Variants in GRIP1 observed in about 807,000 individuals in gnomAD.
GRIP1 encodes glutamate receptor interacting protein 1, also known as glutamate receptor-interacting protein 1.
GRIP1 carries 45 observed loss-of-function variants against 129.9 expected under a neutral mutation model. That is an observed-to-expected ratio of 0.35 (90% CI 0.27 to 0.44). The LOEUF is 0.44. Ranked by LOEUF, GRIP1 falls within the 20% of genes least tolerant of loss-of-function variation. The pLI, the probability that GRIP1 is intolerant of heterozygous loss-of-function variation, is 1.00. For missense variants in GRIP1, 1,196 were observed against 1,396.8 expected (o/e 0.86, Z 2.29); for synonymous variants, 530 against 520.8 (o/e 1.02, Z -0.24).
chr12:66,535,362 A>G (rs988560052), intron 4 of GRIP1, among the ~76,000 whole-genome samples: 1 of 120,430 alleles, frequency 8.3e-6, no homozygotes, highest in African/African-American at 3.2e-5. Flanking sequence ...ATTTAAAGTT[A>G]AAAAAAAAAA....
At chr12:66,964,041 T>C (rs1004604069) in intron 1 of GRIP1, among the ~76,000 whole-genome samples, 3 of 152,148 alleles carry the variant, frequency 2.0e-5, no homozygotes, top group African/African-American at 7.2e-5. Flanking sequence ...AACTCACCCG[T>C]TAGCTGAGTC....
chr12:66,889,937 G>A (rs1370903632), intron 1 of GRIP1, among the ~76,000 whole-genome samples: 2 of 150,266 alleles, frequency 1.3e-5, no homozygotes, highest in African/African-American at 4.9e-5. Flanking sequence ...TTTGTTTTTT[G>A]TTTTTTTTAT....
At chr12:66,543,612 C>T (rs2061855907) in intron 2 of GRIP1, among the ~76,000 whole-genome samples, 1 of 152,074 alleles carries the variant, frequency 6.6e-6, no homozygotes, top group Non-Finnish European at 1.5e-5. Flanking sequence ...GAAGACATCA[C>T]CTTAATAAAC....
At chr12:66,765,591 A>G (rs1032377830) in intron 1 of GRIP1, among the ~76,000 whole-genome samples, 1 of 152,172 alleles carries the variant, frequency 6.6e-6, no homozygotes, top group Admixed American at 6.5e-5. Context: ...CCTCATTCCT[A>G]GTGGTCACCC....
intron 1 of GRIP1, among the ~76,000 whole-genome samples, chr12:66,886,443 T>C (rs567692921): frequency 5.4e-4 from 82 of 152,318 alleles, no homozygotes; most frequent in African/African-American, 1.9e-3. Context: ...AATTTCTGCA[T>C]ATCCCTGAAG....
intron 1 of GRIP1, among the ~76,000 whole-genome samples, chr12:66,876,333 C>T (rs904764071): frequency 2.0e-5 from 3 of 152,106 alleles, no homozygotes; most frequent in African/African-American, 7.2e-5. Context: ...TATTCTATTA[C>T]AAGCACTTTA....
intron 1 of GRIP1, among the ~76,000 whole-genome samples, chr12:66,766,467 C>G (rs1329639539): frequency 6.6e-6 from 1 of 152,196 alleles, no homozygotes; most frequent in Admixed American, 6.5e-5. Context: ...TCACACTGTA[C>G]TTTGAGGTCA....
intron 2 of GRIP1, among the ~76,000 whole-genome samples, chr12:66,595,169 G>A (rs540718372): frequency 2.0e-5 from 3 of 152,048 alleles, no homozygotes; most frequent in East Asian, 1.9e-4. Context: ...AAAACATCTC[G>A]TAAAACTCAC....
Position 66,715,469 on chromosome 12 carries a change from TGTGA to T in GRIP1, c.-419-85137_-419-85134del, listed in dbSNP as rs1341449264. The stretch of plus-strand genomic sequence containing the variant: ...GTAGCTTGATGTGTGTGTGTGTGTG[TGTGA>T]GAGAGAGAGAGAGAGAGAGAGAGAG... On this transcript the variant is annotated intron_variant, in intron 1 of 4. Transcript: ENST00000538373. Among the ~76,000 whole-genome samples the T allele has an allele frequency of 6.0e-5, 7 of 117,440 alleles. No homozygotes were observed. The East Asian group carries it at 9.1e-4, about 15-fold the overall frequency. The allele number at this position is 117,440 out of a possible 152,430, so 77.0% of individuals were successfully genotyped here.
intron 1 of GRIP1, among the ~76,000 whole-genome samples, chr12:67,061,735 A>G (rs1431690625): frequency 6.6e-6 from 1 of 152,206 alleles, no homozygotes; most frequent in East Asian, 1.9e-4. Flanking sequence ...TATAAATAAA[A>G]GAAGAAAGCT....
chr12:66,876,721 A>C (rs1191516311), intron 1 of GRIP1, among the ~76,000 whole-genome samples: 1 of 152,066 alleles, frequency 6.6e-6, no homozygotes, highest in Non-Finnish European at 1.5e-5. Context: ...ACCAGGGAGC[A>C]ATGTGTCCAT....
At chr12:66,889,738 G>T (rs2040625888) in intron 1 of GRIP1, among the ~76,000 whole-genome samples, 1 of 152,096 alleles carries the variant, frequency 6.6e-6, no homozygotes, top group South Asian at 2.1e-4. Context: ...TAACACAAAT[G>T]TCATCATGTG....
At chr12:66,719,444 A>T (rs1389655800) in intron 1 of GRIP1, among the ~76,000 whole-genome samples, 1 of 152,188 alleles carries the variant, frequency 6.6e-6, no homozygotes, top group African/African-American at 2.4e-5. Flanking sequence ...GACTTCTAAG[A>T]GCCAACTAAT....
At chr12:66,850,932 A>G (rs1161453923) in intron 1 of GRIP1, among the ~76,000 whole-genome samples, 1 of 147,738 alleles carries the variant, frequency 6.8e-6, no homozygotes, top group Admixed American at 6.9e-5. Context: ...CTGAGCCTGG[A>G]CTTTCTTATC....
intron 1 of GRIP1, among the ~76,000 whole-genome samples, chr12:66,971,626 AAGG>A (rs1222810792): frequency 2.6e-5 from 4 of 152,186 alleles, no homozygotes; most frequent in African/African-American, 9.7e-5. Flanking sequence ...GAGACAGAAA[AAGG>A]ATATATGCAT....
At chr12:66,970,595 C>A (rs1230792518) in intron 1 of GRIP1, among the ~76,000 whole-genome samples, 1 of 133,726 alleles carries the variant, frequency 7.5e-6, no homozygotes, top group Non-Finnish European at 1.6e-5. Flanking sequence ...CCTGAGACCC[C>A]CTCTCCTTGG....
rs375258479 is a variant in GRIP1, at chr12:66,940,085, G to GT, written c.58+128964dup. Among the ~76,000 whole-genome samples the GT allele has an allele frequency of 1.6e-3, 242 of 151,046 alleles. 1 individual carries two copies. Among genetic ancestry groups the GT allele is most frequent in the African/African-American group, 5.1e-3 (210 of 41,176 alleles). On this transcript the variant is annotated intron_variant, in intron 1 of 1. Coordinates refer to the GRIP1 transcript ENST00000643019. ...AAATCAGACTATGTATACCTTTTGG[G>GT]TTTTTTTTTAATCATCTCTTCAATG...
chr12:66,683,696 G>A (rs114221221), upstream of GRIP1, among the ~76,000 whole-genome samples: 309 of 152,296 alleles, frequency 2.0e-3, no homozygotes, highest in African/African-American at 6.5e-3. Context: ...TCTGATGCCC[G>A]TAACAGTGCC....
chr12:66,656,095 A>G (rs2033139725), intron 1 of GRIP1, among the ~76,000 whole-genome samples: 1 of 152,038 alleles, frequency 6.6e-6, no homozygotes, highest in Non-Finnish European at 1.5e-5. Context: ...CATCCAATAG[A>G]CTCTGAGGTT....
Sources: allele counts gnomAD v4.1 joint callset (sites outside exome capture counted in the v4.1 genomes callset), GRCh38; gene constraint gnomAD v4.1.1; transcripts MANE v1.5; gene names NCBI Gene and HGNC (gene_info 2026-07-23, HGNC 2026-07-21).